Variants in ACSM3 observed in about 807,000 individuals in gnomAD.
ACSM3 encodes acyl-coenzyme A synthetase ACSM3, mitochondrial.
Under a neutral mutation model 74.1 loss-of-function variants are expected in ACSM3, and 61 were observed. The observed-to-expected ratio is 0.82, with a 90% CI of 0.67 to 1.02. The LOEUF is 1.02. Among genes scored for constraint, ACSM3 ranks in the 50% least tolerant of loss-of-function variants. The pLI is 0.00. For synonymous variants in ACSM3, 213 were observed against 241.5 expected (o/e 0.88, Z 1.09); for missense variants, 660 against 697.0 (o/e 0.95, Z 0.60).
intron 9 of ACSM3, chr16:20,789,539 G>A (rs1211999865): frequency 1.2e-6 from 2 of 1,612,816 alleles, no homozygotes; most frequent in Non-Finnish European, 1.7e-6. Context: ...TCTGAAGTAA[G>A]GTTCTGTAGG....
chr16:20,779,389 A>C (rs951244683), intron 4 of ACSM3, among the ~76,000 whole-genome samples: 14 of 150,160 alleles, frequency 9.3e-5, no homozygotes, highest in Admixed American at 7.4e-4. Context: ...GAGCCACTGC[A>C]CTCCAGCCTG....
intron 2 of ACSM3, among the ~76,000 whole-genome samples, chr16:20,772,629 T>C (rs2080206690): frequency 6.6e-6 from 1 of 152,198 alleles, no homozygotes; most frequent in East Asian, 1.9e-4. Context: ...CTTTCCTCAG[T>C]GTATGTTCTT....
intron 1 of ACSM3, among the ~76,000 whole-genome samples, chr16:20,730,502 T>C (rs2079823678): frequency 6.6e-6 from 1 of 152,134 alleles, no homozygotes; most frequent in South Asian, 2.1e-4. Flanking sequence ...TTTCAAAAGT[T>C]TGTCTCTCAG....
At chr16:20,758,484 C>T (rs956178561) in intron 3 of ACSM3, among the ~76,000 whole-genome samples, 1 of 151,604 alleles carries the variant, frequency 6.6e-6, no homozygotes, top group Non-Finnish European at 1.5e-5. Flanking sequence ...GGTGATATCC[C>T]CTTTATCATT....
chr16:20,687,961 T>C (rs2152328665), intron 1 of ACSM3, among the ~76,000 whole-genome samples: 1 of 152,018 alleles, frequency 6.6e-6, no homozygotes, highest in East Asian at 1.9e-4. Context: ...TGCATGCACC[T>C]GTAATCCCAG....
intron 4 of ACSM3, among the ~76,000 whole-genome samples, chr16:20,777,980 CT>C (rs2080276731): frequency 6.6e-6 from 1 of 152,192 alleles, no homozygotes; most frequent in Non-Finnish European, 1.5e-5. Context: ...AGGTCCTGGC[CT>C]TTATATACCC....
intron 2 of ACSM3, among the ~76,000 whole-genome samples, chr16:20,754,056 A>G (rs1183273904): frequency 1.3e-5 from 2 of 152,186 alleles, no homozygotes; most frequent in African/African-American, 2.4e-5. Flanking sequence ...ACCTTGGACA[A>G]TTTTTCCATG....
At chr16:20,708,696 G>A (rs1337692369) in intron 1 of ACSM3, among the ~76,000 whole-genome samples, 6 of 152,126 alleles carry the variant, frequency 3.9e-5, no homozygotes, top group African/African-American at 7.2e-5. Context: ...ATTATTCAGC[G>A]TGATCTATGG....
intron 3 of ACSM3, among the ~76,000 whole-genome samples, chr16:20,757,869 C>T (rs1424031106): frequency 6.6e-6 from 1 of 150,878 alleles, no homozygotes; most frequent in Non-Finnish European, 1.5e-5. Flanking sequence ...TGTCAAAGGC[C>T]TTTTCTGCAT....
chr16:20,748,071 A>C (rs2079965357), intron 1 of ACSM3, among the ~76,000 whole-genome samples: 1 of 152,172 alleles, frequency 6.6e-6, no homozygotes, highest in South Asian at 2.1e-4. Flanking sequence ...CAGGAGGTCA[A>C]GGCTGCAGTG....
chr16:20,774,286 G>A (rs1462863053), intron 2 of ACSM3, among the ~76,000 whole-genome samples: 12 of 138,682 alleles, frequency 8.7e-5, no homozygotes, highest in Admixed American at 6.1e-4. Flanking sequence ...TCTGTCACCA[G>A]GCTGGAGTGC....
intron 1 of ACSM3, among the ~76,000 whole-genome samples, chr16:20,710,853 G>A (rs2079741699): frequency 6.6e-6 from 1 of 152,126 alleles, no homozygotes; most frequent in African/African-American, 2.4e-5. Flanking sequence ...GGGAGGCCTA[G>A]GCAGGTGGGT....
intron 1 of ACSM3, chr16:20,741,802 C>T (rs748439116): frequency 1.6e-5 from 25 of 1,543,956 alleles, no homozygotes; most frequent in Non-Finnish European, 2.2e-5. Flanking sequence ...CCTCGTCTAT[C>T]GCCGGCGCGA....
At chr16:20,745,717 T>G (rs1415714762) in intron 1 of ACSM3, among the ~76,000 whole-genome samples, 1 of 152,216 alleles carries the variant, frequency 6.6e-6, no homozygotes, top group Non-Finnish European at 1.5e-5. Flanking sequence ...TCAGAAGGCC[T>G]CACAGCCAAG....
chr16:20,739,985 G>A (rs1042644361), intron 1 of ACSM3, among the ~76,000 whole-genome samples: 1 of 152,200 alleles, frequency 6.6e-6, no homozygotes, highest in African/African-American at 2.4e-5. Flanking sequence ...ACGTTGACCA[G>A]GTATCTGTGT....
chr16:20,780,603 C>T, intron 4 of ACSM3, 111 bp from the exon 5 acceptor site: 1 of 1,606,248 alleles, frequency 6.2e-7, no homozygotes, highest in Non-Finnish European at 8.5e-7. Context: ...GCCACTGGCA[C>T]CTGATTCATG....
chr16:20,701,530 T>A (rs1351859227), intron 1 of ACSM3, among the ~76,000 whole-genome samples: 1 of 152,188 alleles, frequency 6.6e-6, no homozygotes, highest in East Asian at 1.9e-4. Flanking sequence ...GGAATCTTTT[T>A]AAAAAAATTT....
At chr16:20,780,253 C>A in intron 4 of ACSM3, 1 of 197,282 alleles carries the variant, frequency 5.1e-6, no homozygotes, top group Non-Finnish European at 1.1e-5. Context: ...TGCCAGTAGG[C>A]TGTAGTGTGT....
In ACSM3 at chr16:20,790,964, G is replaced by T. The variant is rs2080584536; in HGVS notation, c.1326+276G>T. The T allele has an allele frequency of 6.3e-7, 1 of 1,598,050 alleles. No individual in the cohort carries two copies. Among genetic ancestry groups the T allele is most frequent in the East Asian group, 2.2e-5 (1 of 44,798 alleles). On this transcript the variant is annotated intron_variant, in intron 10 of 13. Coordinates refer to ENST00000289416, the MANE Select transcript of ACSM3 (RefSeq NM_005622.4). The surrounding 1 kb of genome is among the most constrained non-coding windows in gnomAD (Gnocchi z 4.0). ...AGAGGACAGCCTCTTAACATCCCCT[G>T]ATCCTCTCAATTATCAAACAAAACC... is the stretch of plus-strand genomic sequence containing the variant.
Sources: allele counts gnomAD v4.1 joint callset (sites outside exome capture counted in the v4.1 genomes callset), GRCh38; gene constraint gnomAD v4.1.1; non-coding constraint Gnocchi (gnomAD v3.1); transcripts MANE v1.5; gene names NCBI Gene and HGNC (gene_info 2026-07-23, HGNC 2026-07-21).